Variants in TIAM1 observed in about 807,000 individuals in gnomAD.
The protein encoded by TIAM1 is rho guanine nucleotide exchange factor TIAM1.
Under a neutral mutation model 163.5 loss-of-function variants are expected in TIAM1, and 65 were observed. The ratio of observed to expected loss-of-function variants is 0.40; its 90% confidence interval spans 0.33 to 0.49. The LOEUF (loss-of-function observed/expected upper bound fraction) is 0.49, where lower values mean the gene tolerates loss of function less well. Among genes scored for constraint, TIAM1 ranks in the 20% least tolerant of loss-of-function variants. The pLI, the probability that TIAM1 is intolerant of heterozygous loss-of-function variation, is 0.77. For missense variants in TIAM1, 1,789 were observed against 2,044.7 expected (o/e 0.87, Z 2.41); for synonymous variants, 833 against 810.1 (o/e 1.03, Z -0.48).
chr21:31,401,978 G>C (rs1053926453), intron 2 of TIAM1, among the ~76,000 whole-genome samples: 1 of 151,966 alleles, frequency 6.6e-6, no homozygotes, highest in African/African-American at 2.4e-5. Flanking sequence ...ACTTTGGGAG[G>C]CCGATGCGGG....
chr21:31,198,700 G>A (rs994796665), intron 12 of TIAM1, among the ~76,000 whole-genome samples: 1 of 152,138 alleles, frequency 6.6e-6, no homozygotes, highest in African/African-American at 2.4e-5. Flanking sequence ...ATAACTGTTT[G>A]TTTTAATCAT....
At chr21:31,529,269 G>A in intron 1 of TIAM1, among the ~76,000 whole-genome samples, 1 of 151,744 alleles carries the variant, frequency 6.6e-6, no homozygotes. Flanking sequence ...ATGGGGAAAG[G>A]TGGAAAAAAA....
chr21:31,497,267 A>T (rs1396237049), intron 1 of TIAM1, among the ~76,000 whole-genome samples: 1 of 152,268 alleles, frequency 6.6e-6, no homozygotes, highest in African/African-American at 2.4e-5. Context: ...AGCGTTAAGC[A>T]ACGCATAACT....
intron 1 of TIAM1, among the ~76,000 whole-genome samples, chr21:31,555,043 C>T (rs539245259): frequency 5.3e-5 from 8 of 152,116 alleles, no homozygotes; most frequent in Non-Finnish European, 1.2e-4. Context: ...CTATTAATAT[C>T]GTGTACCCTT....
chr21:31,195,348 C>A, intron 12 of TIAM1, 43 bp from the exon 13 acceptor site: 2 of 1,399,258 alleles, frequency 1.4e-6, no homozygotes, highest in Non-Finnish European at 2.0e-6. Flanking sequence ...TTCATTATAA[C>A]TAACTTTTAA....
chr21:31,458,420 CA>C (rs1014799037), intron 2 of TIAM1, among the ~76,000 whole-genome samples: 12 of 140,900 alleles, frequency 8.5e-5, no homozygotes, highest in South Asian at 2.3e-4. Flanking sequence ...AACTCCATCT[CA>C]AAAAAAAAAG....
rs79504806 is a variant in TIAM1, at chr21:31,356,061, G to A, written c.-368-16639C>T. On this transcript the variant is annotated intron_variant, in intron 2 of 28. Coordinates refer to the TIAM1 transcript ENST00000286827. ...TTGAATAACGGTCATTCATTACCCC[G>A]AGATGATAATTCAAGACAAGAAGCA... is the stretch of plus-strand genomic sequence containing the variant. 7.6e-3 allele frequency among the ~76,000 whole-genome samples: 1,154 copies of A among 152,158 alleles called. 10 individuals are homozygous for A. Among genetic ancestry groups the A allele is most frequent in the African/African-American group, 0.025 (1,044 of 41,494 alleles).
intron 1 of TIAM1, among the ~76,000 whole-genome samples, chr21:31,511,589 G>A (rs1047587229): frequency 2.0e-5 from 3 of 152,160 alleles, no homozygotes; most frequent in South Asian, 4.1e-4. Context: ...GCCTGGCACC[G>A]AGTCCAAGCT....
chr21:31,344,854 C>T (rs945104650), upstream of TIAM1, among the ~76,000 whole-genome samples: 1 of 152,232 alleles, frequency 6.6e-6, no homozygotes, highest in African/African-American at 2.4e-5. Context: ...ATCTGTCAAC[C>T]TCTTCCTCGC....
At chr21:31,280,682 A>C (rs575632041) in intron 2 of TIAM1, among the ~76,000 whole-genome samples, 219 of 152,028 alleles carry the variant, frequency 1.4e-3, no homozygotes, top group African/African-American at 4.8e-3. Context: ...CCACTGCTCC[A>C]CTCCTGTAAT....
At position 31,165,961 on chromosome 21, in the gene TIAM1, C is replaced by T. The variant is rs186546796; in HGVS notation, c.2888-896G>A. Among the ~76,000 whole-genome samples, 16 of 152,316 alleles carry T rather than the reference C, an allele frequency of 1.1e-4. No individual in the cohort carries two copies. The East Asian group carries it at 3.1e-3, about 29-fold the overall frequency. On this transcript the variant is annotated intron_variant, in intron 15 of 27. Transcript: ENST00000541036. ...TTCTTCCTTTGCTATTTACTGAGTG[C>T]CCACCACAGTGGTTCTCTATAGTGG... is the stretch of plus-strand genomic sequence containing the variant.
intron 2 of TIAM1, among the ~76,000 whole-genome samples, chr21:31,356,118 C>T (rs2076313327): frequency 6.6e-6 from 1 of 152,106 alleles, no homozygotes; most frequent in African/African-American, 2.4e-5. Flanking sequence ...GAGGTCTCTT[C>T]TTTAACCATA....
rs146612091 is a variant in TIAM1 at position 31,143,123 on chromosome 21, T to G, written c.3476-1619A>C. On this transcript the variant is annotated intron_variant, in intron 20 of 27. Transcript: ENST00000541036. ...CTCTGGACGTTTCCAGTGTGGAAAC[T>G]CCACACACCCCTCCCCCATACCTCG... Among the ~76,000 whole-genome samples the G allele has an allele frequency of 1.1e-4, 17 of 152,158 alleles. No individual in the cohort carries two copies. In the East Asian group the frequency reaches 3.1e-3, roughly 28 times the overall value.
At chr21:31,380,582 T>C (rs1435317402) in intron 2 of TIAM1, among the ~76,000 whole-genome samples, 1 of 151,764 alleles carries the variant, frequency 6.6e-6, no homozygotes, top group Non-Finnish European at 1.5e-5. Flanking sequence ...AAAGTAAATA[T>C]AAAAATAAAA....
chr21:31,538,290 C>A (rs531490537), intron 1 of TIAM1, among the ~76,000 whole-genome samples: 216 of 152,162 alleles, frequency 1.4e-3, no homozygotes, highest in Admixed American at 4.8e-3. Context: ...CGCCTATAAT[C>A]CCAGTACTTT....
At chr21:31,275,949 C>T (rs1418345356) in intron 3 of TIAM1, among the ~76,000 whole-genome samples, 1 of 152,030 alleles carries the variant, frequency 6.6e-6, no homozygotes, top group African/African-American at 2.4e-5. Flanking sequence ...TTAAAATAAA[C>T]GTAATCATTA....
intron 1 of TIAM1, among the ~76,000 whole-genome samples, chr21:31,489,366 G>T: frequency 8.9e-6 from 1 of 111,828 alleles, no homozygotes. Flanking sequence ...AAGGTTGGGG[G>T]GGAGAGGAGG....
intron 1 of TIAM1, among the ~76,000 whole-genome samples, chr21:31,533,181 C>T (rs936950975): frequency 3.3e-5 from 5 of 152,020 alleles, no homozygotes; most frequent in African/African-American, 9.7e-5. Flanking sequence ...ATTAGCCAGG[C>T]ATGGTGGCAC....
Position 31,118,507 on chromosome 21 carries a change from TAAAAG to T in TIAM1, c.*1856_*1860del, listed in dbSNP as rs1184312486. ...TAAAAATAGACCTTCTTTCAGCTTA[TAAAAG>T]AAATATATAAGAACTTTTGACATAG... On this transcript the variant is annotated 3_prime_UTR_variant, in exon 28 of 28. Coordinates refer to ENST00000541036, the MANE Select transcript of TIAM1 (RefSeq NM_001353694.2). 2 of 451,632 alleles carry T rather than the reference TAAAAG, an allele frequency of 4.4e-6. No homozygotes were observed. The highest frequency in any genetic ancestry group is 2.1e-5 in the African/African-American group (1 of 48,668). The allele number at this position is 451,632 out of a possible 1,614,324, so 28.0% of individuals were successfully genotyped here. A position where few individuals can be genotyped will look rare whatever the true frequency, so the allele number is the denominator to read the frequency against.
Sources: allele counts gnomAD v4.1 joint callset (sites outside exome capture counted in the v4.1 genomes callset), GRCh38; gene constraint gnomAD v4.1.1; transcripts MANE v1.5; gene names NCBI Gene and HGNC (gene_info 2026-07-23, HGNC 2026-07-21).